The following SERP2 variants were observed in gnomAD, a reference collection of about 807,000 sequenced individuals.
The protein encoded by SERP2 is stress-associated endoplasmic reticulum protein 2.
A neutral mutation model predicts 9.1 loss-of-function variants in SERP2; 6 were observed. The ratio of observed to expected loss-of-function variants is 0.66; its 90% CI spans 0.36 to 1.30. SERP2 has a LOEUF of 1.30. Among genes scored for constraint, SERP2 ranks in the 50% most tolerant of loss-of-function variants. The pLI is 0.03. For synonymous variants in SERP2, 37 were observed against 27.3 expected, an observed-to-expected ratio of 1.35 and a Z score of -1.10; for missense variants, 58 against 81.9, an observed-to-expected ratio of 0.71 and a Z score of 1.13.
At chr13:44,375,583 A>G (rs1446942700) in intron 1 of SERP2, among the ~76,000 whole-genome samples, 4 of 152,228 alleles carry the variant, frequency 2.6e-5, no homozygotes. Flanking sequence ...TAAGGCATGC[A>G]GGGTTTTATA....
intron 1 of SERP2, 45 bp downstream of exon 1, chr13:44,374,154 C>CCCCCGGGGGG: frequency 1.3e-5 from 2 of 152,230 alleles, no homozygotes; most frequent in Non-Finnish European, 2.3e-5. Flanking sequence ...TGCAGCCCGG[C>CCCCCGGGGGG]GGGGTGGGGC....
chr13:44,379,564 C>A, intron 1 of SERP2, 77 bp from the exon 2 acceptor site: 1 of 1,098,108 alleles, frequency 9.1e-7, no homozygotes, highest in Non-Finnish European at 1.4e-6. Context: ...CAGCACCTAG[C>A]ACAATGCCTA....
chr13:44,373,662 G>A (rs1042233298), upstream of SERP2: 5 of 232,358 alleles, frequency 2.2e-5, no homozygotes, highest in African/African-American at 9.3e-5. The surrounding 1 kb of genome is among the most constrained non-coding windows in gnomAD (Gnocchi z 4.8). Flanking sequence ...TCGGCTACAG[G>A]ACCGCGACAC....
intron 2 of SERP2, among the ~76,000 whole-genome samples, chr13:44,392,301 TGACAGGTCTG>T (rs925019195): frequency 3.0e-4 from 46 of 150,994 alleles, no homozygotes; most frequent in African/African-American, 9.2e-4. Context: ...AAGGTGAGTC[TGACAGGTCTG>T]GACAGGGACC....
chr13:44,389,724 T>G (rs1472281753), intron 2 of SERP2, among the ~76,000 whole-genome samples: 5 of 151,976 alleles, frequency 3.3e-5, no homozygotes, highest in Admixed American at 1.3e-4. Context: ...AACCAGAGAG[T>G]CAGTGGTGTC....
rs1475813783 is a variant in SERP2 at position 44,397,423 on chromosome 13, G to A, written c.*111G>A. 7 of 821,748 alleles carry A rather than the reference G, an allele frequency of 8.5e-6. No individual in the cohort carries two copies. The highest frequency in any genetic ancestry group is 2.5e-5 in the East Asian group (1 of 39,540). The allele number at this position is 821,748 out of a possible 1,614,324, so 50.9% of individuals were successfully genotyped here. ...CAGGCCACACGGAATAGAAAAAAAC[G>A]CTCCCCCACTTGTTCCCTGATCACT... On this transcript the variant is annotated 3_prime_UTR_variant, in exon 3 of 3. Transcript: ENST00000379179.
intron 1 of SERP2, 60 bp from the exon 2 acceptor site, chr13:44,379,581 C>T: frequency 7.5e-7 from 1 of 1,324,830 alleles, no homozygotes; most frequent in Non-Finnish European, 1.1e-6. Flanking sequence ...CCTAGTGATA[C>T]TCAAATAATT....
intron 2 of SERP2, among the ~76,000 whole-genome samples, chr13:44,394,606 G>A (rs1872979653): frequency 6.6e-6 from 1 of 152,234 alleles, no homozygotes; most frequent in Non-Finnish European, 1.5e-5. Flanking sequence ...CTAAGGGCAA[G>A]AGTAAGCGAG....
intron 1 of SERP2, 54 bp downstream of exon 1, chr13:44,374,163 G>GGGGGGGGGC: frequency 5.8e-6 from 3 of 519,186 alleles, no homozygotes; most frequent in Non-Finnish European, 9.3e-6. Context: ...GCGGGGTGGG[G>GGGGGGGGGC]CGGAAGGTGG....
chr13:44,383,469 T>C (rs191539719), intron 2 of SERP2, among the ~76,000 whole-genome samples: 39 of 152,164 alleles, frequency 2.6e-4, no homozygotes, highest in Non-Finnish European at 4.7e-4. Context: ...CTAACAAGCA[T>C]CTTTTAGAAC....
intron 2 of SERP2, among the ~76,000 whole-genome samples, chr13:44,381,121 C>T (rs1316244135): frequency 6.6e-6 from 1 of 151,876 alleles, no homozygotes; most frequent in African/African-American, 2.4e-5. Flanking sequence ...CCTGTAATCC[C>T]AGCTACTTGG....
At chr13:44,394,416 C>A (rs773780672) in intron 2 of SERP2, among the ~76,000 whole-genome samples, 4 of 152,222 alleles carry the variant, frequency 2.6e-5, no homozygotes, top group Admixed American at 6.5e-5. Flanking sequence ...AGCCACCGCA[C>A]CTGGACTGTC....
chr13:44,375,186 A>T (rs1871579645), intron 1 of SERP2, among the ~76,000 whole-genome samples: 1 of 152,138 alleles, frequency 6.6e-6, no homozygotes, highest in Non-Finnish European at 1.5e-5. Flanking sequence ...AGATTTGATG[A>T]ATCAATTCCT....
chr13:44,380,617 C>G (rs758491743), intron 2 of SERP2, among the ~76,000 whole-genome samples: 2 of 152,136 alleles, frequency 1.3e-5, no homozygotes, highest in African/African-American at 2.4e-5. Flanking sequence ...GAAGCAAAAA[C>G]TCTTAGGAGG....
chr13:44,375,101 G>A (rs1356059216), intron 1 of SERP2, among the ~76,000 whole-genome samples: 1 of 152,148 alleles, frequency 6.6e-6, no homozygotes, highest in Non-Finnish European at 1.5e-5. Flanking sequence ...ATGAGCAAAG[G>A]CGCCTGGGAT....
intron 2 of SERP2, among the ~76,000 whole-genome samples, chr13:44,381,214 G>A (rs1408193300): frequency 6.8e-6 from 1 of 147,836 alleles, no homozygotes; most frequent in Non-Finnish European, 1.5e-5. Context: ...CTCCAGCCTG[G>A]GCAACAAGAG....
intron 1 of SERP2, among the ~76,000 whole-genome samples, 195 bp from the exon 2 acceptor site, chr13:44,379,446 T>C (rs1215062273): frequency 6.6e-6 from 1 of 152,226 alleles, no homozygotes; most frequent in Non-Finnish European, 1.5e-5. Flanking sequence ...AATAAGGTTA[T>C]GGATGAATTT....
chr13:44,397,285 C>A lies in SERP2; in HGVS notation c.171C>A (p.Ile57=), dbSNP rs751540932. The stretch of plus-strand genomic sequence containing the variant: ...TCCTCTTTTCAGCTATCTTTCAGAT[C>A]ATTCAGAGCATAAGGATGGGCATGT... ...FVVCGSAIFQ[I]IQSIRMGM The change falls in exon 3 of 3, where the codon ATC becomes ATA. Residue 57 remains isoleucine, a synonymous_variant. Coordinates refer to ENST00000379179, the MANE Select transcript of SERP2 (RefSeq NM_001010897.3). 1 of 1,613,760 alleles carries A rather than the reference C, an allele frequency of 6.2e-7. No individual in the cohort carries two copies.
rs746787500 is a variant in SERP2, at chr13:44,397,317, G to GCCAGGGATTT, written c.*6_*15dup. 1.2e-6 allele frequency: 2 copies of GCCAGGGATTT among 1,612,094 alleles called. No homozygotes were observed. The highest frequency in any genetic ancestry group is 2.7e-5 in the African/African-American group (2 of 75,010). ...AGCATAAGGATGGGCATGTGAGAAAGCCAGGGATTTGACACCACCTCCCTC... is the reference window on the plus strand; with the variant it reads ...AGCATAAGGATGGGCATGTGAGAAAGCCAGGGATTTCCAGGGATTTGACACCACCTCCCTC... On this transcript the variant is annotated 3_prime_UTR_variant, in exon 3 of 3. Transcript: ENST00000379179.
Sources: allele counts gnomAD v4.1 joint callset (sites outside exome capture counted in the v4.1 genomes callset), GRCh38; gene constraint gnomAD v4.1.1; non-coding constraint Gnocchi (gnomAD v3.1); transcripts MANE v1.5; gene names NCBI Gene and HGNC (gene_info 2026-07-23, HGNC 2026-07-21).